The following RHBDL3 variants were observed in gnomAD, a reference collection of about 807,000 sequenced individuals.
RHBDL3 encodes the protein rhomboid-related protein 3.
Under a neutral mutation model 48.2 loss-of-function variants are expected in RHBDL3, and 28 were observed. That is an observed-to-expected ratio of 0.58 (90% confidence interval 0.43 to 0.80). The LOEUF is 0.80. Among genes scored for constraint, RHBDL3 ranks in the 30% least tolerant of loss-of-function variants. RHBDL3 has a pLI of 0.00. For synonymous variants in RHBDL3, 208 were observed against 232.3 expected (o/e 0.90, Z 0.95); for missense variants, 464 against 542.7 (o/e 0.85, Z 1.44).
chr17:32,274,285 C>A (rs976924582), intron 2 of RHBDL3, among the ~76,000 whole-genome samples: 4 of 152,140 alleles, frequency 2.6e-5, no homozygotes, highest in Admixed American at 6.6e-5. Context: ...TCTGATCTGG[C>A]AATTCCTGCT....
At chr17:32,284,367 C>T (rs2040143500) in intron 2 of RHBDL3, 2 of 322,692 alleles carry the variant, frequency 6.2e-6, no homozygotes, top group East Asian at 1.2e-4. Context: ...ATTGCCTTTT[C>T]ATTCGCACTT....
rs1465575604 is a variant in RHBDL3 at position 32,323,312 on chromosome 17, A to T, written c.*2083A>T. On this transcript the variant is annotated 3_prime_UTR_variant, in exon 9 of 9. Coordinates refer to ENST00000269051, the MANE Select transcript of RHBDL3 (RefSeq NM_138328.3). ...CTCTGCCCTAGTGATAGAAAGATGT[A>T]GATGGAAGTCAGTGCCTCAGAGGAG... 1 of 152,312 alleles carries T rather than the reference A, an allele frequency of 6.6e-6. No individual in the cohort carries two copies. The highest frequency in any genetic ancestry group is 1.5e-5 in the Non-Finnish European group (1 of 68,116). 9.4% of individuals were successfully genotyped at this position (152,312 alleles called of 1,614,324 possible).
chr17:32,299,052 T>TG (rs1193134359), intron 6 of RHBDL3, among the ~76,000 whole-genome samples: 5 of 151,612 alleles, frequency 3.3e-5, no homozygotes, highest in Admixed American at 6.6e-5. Flanking sequence ...GGCTGTTTTT[T>TG]TTTTTTTTTT....
At position 32,267,995 on chromosome 17, in the gene RHBDL3, G is replaced by A. The variant is rs190193480; in HGVS notation, c.135+70G>A. Reference sequence around the variant, plus strand: ...AATCGGTCTCAGTCTCCCTGCTTGCGTGGGCTTCCCTAGCTCCGCGCTCCT... The same window carrying A: ...AATCGGTCTCAGTCTCCCTGCTTGCATGGGCTTCCCTAGCTCCGCGCTCCT... On this transcript the variant is annotated intron_variant, in intron 2 of 8. Coordinates refer to ENST00000269051, the MANE Select transcript of RHBDL3 (RefSeq NM_138328.3). 1.0e-3 allele frequency: 1,266 copies of A among 1,229,128 alleles called. 9 individuals are homozygous for A. Among genetic ancestry groups the A allele is most frequent in the Non-Finnish European group, 2.1e-4 (170 of 829,078 alleles). The allele number at this position is 1,229,128 out of a possible 1,614,324, so 76.1% of individuals were successfully genotyped here. A position where few individuals can be genotyped will look rare whatever the true frequency, so the allele number is the denominator to read the frequency against.
chr17:32,269,734 G>T (rs1456498902), intron 2 of RHBDL3, among the ~76,000 whole-genome samples: 2 of 152,186 alleles, frequency 1.3e-5, no homozygotes, highest in Non-Finnish European at 2.9e-5. Context: ...TCAGAACCTA[G>T]AACAAAGTGT....
intron 1 of RHBDL3, among the ~76,000 whole-genome samples, chr17:32,266,987 C>A (rs566818613): frequency 6.6e-6 from 1 of 152,116 alleles, no homozygotes; most frequent in East Asian, 1.9e-4. Flanking sequence ...GGGTCTCCAT[C>A]CCTCCGGTCC....
chr17:32,303,803 G>A (rs1452500186), intron 6 of RHBDL3, among the ~76,000 whole-genome samples: 1 of 152,174 alleles, frequency 6.6e-6, no homozygotes, highest in African/African-American at 2.4e-5. Flanking sequence ...TCTGCTGCCA[G>A]GTCCTTGGGT....
At chr17:32,309,733 A>C (rs965734165) in intron 7 of RHBDL3, among the ~76,000 whole-genome samples, 1 of 151,980 alleles carries the variant, frequency 6.6e-6, no homozygotes, top group African/African-American at 2.4e-5. Context: ...ATTTCAACAA[A>C]AGATCTGGAA....
intron 7 of RHBDL3, among the ~76,000 whole-genome samples, chr17:32,308,255 C>T (rs555701711): frequency 5.9e-5 from 9 of 152,280 alleles, no homozygotes; most frequent in Admixed American, 3.9e-4. Flanking sequence ...GCTGTGCAGT[C>T]CCCAGAGCAT....
At chr17:32,288,188 TC>T (rs1345406641) in intron 3 of RHBDL3, 2 of 152,724 alleles carry the variant, frequency 1.3e-5, no homozygotes, top group African/African-American at 4.8e-5. Flanking sequence ...GGGTGCTACC[TC>T]CTGCTCATCT....
intron 5 of RHBDL3, among the ~76,000 whole-genome samples, chr17:32,295,967 C>T (rs917907696): frequency 1.7e-4 from 26 of 152,106 alleles, no homozygotes; most frequent in African/African-American, 6.0e-4. Flanking sequence ...TGGCTCACGC[C>T]TGTAATCCCA....
Position 32,292,570 on chromosome 17 carries a change from T to C in RHBDL3, c.520-1724T>C, listed in dbSNP as rs115346619. 5.2e-3 allele frequency among the ~76,000 whole-genome samples: 796 copies of C among 152,190 alleles called. 11 individuals are homozygous for C. The highest frequency in any genetic ancestry group is 0.017 in the African/African-American group (726 of 41,510). ...TGGTAATACCAGCACTTTGTGAGGC[T>C]GAAGAAGGTGGATCACCTGAGGTCG... On this transcript the variant is annotated intron_variant, in intron 4 of 8. Coordinates refer to ENST00000269051, the MANE Select transcript of RHBDL3 (RefSeq NM_138328.3).
intron 2 of RHBDL3, among the ~76,000 whole-genome samples, chr17:32,271,999 A>C (rs1295236758): frequency 6.6e-6 from 1 of 152,238 alleles, no homozygotes; most frequent in Non-Finnish European, 1.5e-5. Flanking sequence ...AGTCTTACTC[A>C]CTTTGTGATC....
chr17:32,269,665 GCCACTGCCA>G (rs1036489236), intron 2 of RHBDL3, among the ~76,000 whole-genome samples: 1 of 152,220 alleles, frequency 6.6e-6, no homozygotes, highest in African/African-American at 2.4e-5. Flanking sequence ...AGCCCGCTGC[GCCACTGCCA>G]CCACTACCAC....
chr17:32,321,723 A>G lies in RHBDL3; in HGVS notation c.*494A>G, dbSNP rs756776904. On this transcript the variant is annotated 3_prime_UTR_variant, in exon 9 of 9. Transcript: ENST00000269051. Reference sequence around the variant, plus strand: ...TGACACCTGCTGTGTCTGGGGCTCCAGTAAGAAGAGGGCCTACTGGACATG... The same window carrying G: ...TGACACCTGCTGTGTCTGGGGCTCCGGTAAGAAGAGGGCCTACTGGACATG... 26 of 250,804 alleles carry G rather than the reference A, an allele frequency of 1.0e-4. No individual in the cohort carries two copies. Among genetic ancestry groups the G allele is most frequent in the Middle Eastern group, 2.9e-3 (2 of 680 alleles). 15.5% of individuals were successfully genotyped at this position (250,804 alleles called of 1,614,324 possible). A position where few individuals can be genotyped will look rare whatever the true frequency, so the allele number is the denominator to read the frequency against.
rs927643710 is a variant in RHBDL3 at position 32,298,021 on chromosome 17, G to C, written c.669-71G>C. On this transcript the variant is annotated intron_variant, in intron 5 of 8. Coordinates refer to ENST00000269051, the MANE Select transcript of RHBDL3 (RefSeq NM_138328.3). ...ATCCCTGGCATCTTGGGGGATGCAG[G>C]TGTTTGTTGAATGAATGAATGAATG... is the stretch of plus-strand genomic sequence containing the variant. The C allele has an allele frequency of 1.7e-5, 19 of 1,113,196 alleles. 1 individual carries two copies. The African/African-American group carries it at 2.8e-4, about 16-fold the overall frequency. The allele number at this position is 1,113,196 out of a possible 1,614,324, so 69.0% of individuals were successfully genotyped here.
chr17:32,300,015 C>T (rs775612212), intron 6 of RHBDL3, among the ~76,000 whole-genome samples: 1 of 152,168 alleles, frequency 6.6e-6, no homozygotes, highest in Non-Finnish European at 1.5e-5. Flanking sequence ...CAGTGCCTAC[C>T]ATATGCAGGC....
chr17:32,324,434 A>G lies in RHBDL3; in HGVS notation c.*3205A>G, dbSNP rs2041212453. 1 of 152,614 alleles carries G rather than the reference A, an allele frequency of 6.6e-6. No homozygotes were observed. The highest frequency in any genetic ancestry group is 1.5e-5 in the Non-Finnish European group (1 of 68,052). The allele number at this position is 152,614 out of a possible 1,614,324, so 9.5% of individuals were successfully genotyped here. On this transcript the variant is annotated 3_prime_UTR_variant, in exon 9 of 9. Coordinates refer to ENST00000269051, the MANE Select transcript of RHBDL3 (RefSeq NM_138328.3). ...TGCCGTGAAAGCCTTTCCTGGCATC[A>G]TTCATGTTGCTCCCCGTGCTGGCTG...
chr17:32,309,876 T>C (rs146151801), intron 7 of RHBDL3, among the ~76,000 whole-genome samples: 149,577 of 149,578 alleles, frequency 1, 74,788 homozygotes, highest in Middle Eastern at 1. Flanking sequence ...ACCTCCTGGG[T>C]TCAAGCGATC....
Sources: gnomAD v4.1 joint callset for allele counts (sites outside exome capture counted in the v4.1 genomes callset) on GRCh38, gnomAD v4.1.1 for gene constraint, MANE v1.5 for transcripts, NCBI Gene and HGNC (gene_info 2026-07-23, HGNC 2026-07-21) for gene names.